IMMP2L: variants seen among roughly 807,000 people sequenced by gnomAD.
IMMP2L encodes inner mitochondrial membrane peptidase subunit 2.
In IMMP2L, 18 loss-of-function variants were observed where a neutral mutation model predicts 19.3. The observed-to-expected ratio is 0.93, with a 90% confidence interval of 0.64 to 1.38. IMMP2L has a LOEUF of 1.38. IMMP2L is among the 40% of genes most tolerant of loss of function. IMMP2L has a pLI of 0.00. For missense variants in IMMP2L, 233 were observed against 218.2 expected (o/e 1.07, Z -0.43); for synonymous variants, 76 against 73.0 (o/e 1.04, Z -0.21).
intron 5 of IMMP2L, among the ~76,000 whole-genome samples, chr7:110,723,367 C>T (rs534702535): frequency 5.3e-5 from 8 of 152,346 alleles, no homozygotes; most frequent in African/African-American, 1.9e-4. Context: ...TTTTGATCCT[C>T]CAGTTGAGAT....
rs575243945 is a variant in IMMP2L, at chr7:110,768,229, C to T, written c.409-104508G>A. The stretch of plus-strand genomic sequence containing the variant: ...GAATAATCAGCAGAAACGTGAAAAA[C>T]GGAAAGAAGACCCTGCCTTTAAAGA... On this transcript the variant is annotated intron_variant, in intron 5 of 5. Coordinates refer to ENST00000405709, the MANE Select transcript of IMMP2L (RefSeq NM_032549.4). Among the ~76,000 whole-genome samples the T allele has an allele frequency of 1.4e-3, 202 of 142,702 alleles. 1 individual carries two copies. Among genetic ancestry groups the T allele is most frequent in the Non-Finnish European group, 9.0e-4 (60 of 66,612 alleles). The allele number at this position is 142,702 out of a possible 152,430, so 93.6% of individuals were successfully genotyped here.
At position 110,792,190 on chromosome 7, in the gene IMMP2L, C is replaced by A. The variant is rs535974107; in HGVS notation, c.408+94403G>T. On this transcript the variant is annotated intron_variant, in intron 5 of 5. Transcript: ENST00000405709. ...CAGGTTTGACACGTGCACCCTCTACCCTTAGCTTGTTGAATTTAGCTAATA... is the reference window on the plus strand; with the variant it reads ...CAGGTTTGACACGTGCACCCTCTACACTTAGCTTGTTGAATTTAGCTAATA... 2.0e-5 allele frequency among the ~76,000 whole-genome samples: 3 copies of A among 151,710 alleles called. No individual in the cohort carries two copies. In the South Asian group the frequency reaches 6.2e-4, roughly 31 times the overall value.
At chr7:110,777,821 T>G (rs7778445) in intron 5 of IMMP2L, among the ~76,000 whole-genome samples, 9,166 of 152,066 alleles carry the variant, frequency 0.06, 463 homozygotes, top group African/African-American at 0.13. Context: ...TGGTTACATA[T>G]GCAGTCTTAT....
At chr7:111,426,429 T>G (rs1040685062) in intron 3 of IMMP2L, among the ~76,000 whole-genome samples, 1 of 150,798 alleles carries the variant, frequency 6.6e-6, no homozygotes, top group Non-Finnish European at 1.5e-5. Flanking sequence ...CAATAACATG[T>G]TTTCCCTGGA....
intron 3 of IMMP2L, among the ~76,000 whole-genome samples, chr7:111,225,325 T>C (rs909461176): frequency 7.2e-5 from 11 of 152,076 alleles, no homozygotes; most frequent in Non-Finnish European, 1.5e-5. Flanking sequence ...CTTACTAATA[T>C]CATGACTTTT....
chr7:111,470,067 C>T (rs1420826219), intron 3 of IMMP2L, among the ~76,000 whole-genome samples: 5 of 152,204 alleles, frequency 3.3e-5, no homozygotes, highest in African/African-American at 7.2e-5. Flanking sequence ...GGGTGAAGGA[C>T]ATGAACAGAC....
intron 3 of IMMP2L, among the ~76,000 whole-genome samples, chr7:111,401,132 G>A (rs1173457071): frequency 6.6e-6 from 1 of 152,066 alleles, no homozygotes; most frequent in South Asian, 2.1e-4. Context: ...TTATCTTGTT[G>A]AAATACCCCA....
Position 110,663,677 on chromosome 7 carries a change from C to A in IMMP2L, c.453G>T (p.Trp151Cys), listed in dbSNP as rs199919844. 3.7e-6 allele frequency: 6 copies of A among 1,609,310 alleles called. No individual in the cohort carries two copies. In the Admixed American group the frequency reaches 5.0e-5, roughly 14 times the overall value. Residue 151 changes from tryptophan to cysteine, a missense_variant, in exon 6 of 6, where the codon TGG (tryptophan) becomes TGT (cysteine). By Grantham distance (215) the Trp-to-Cys change is radical. Coordinates refer to ENST00000405709, the MANE Select transcript of IMMP2L (RefSeq NM_032549.4). ...CCAATTTCTGCCAGCGCTCTGGGGG[C>A]CACAGGATATGTGTGGCATGGGCAT... ...LLHAHATHIL[W>C]PPERWQKLES...
At chr7:110,825,933 G>A (rs1435052034) in intron 5 of IMMP2L, among the ~76,000 whole-genome samples, 1 of 151,986 alleles carries the variant, frequency 6.6e-6, no homozygotes, top group Admixed American at 6.6e-5. Context: ...TTCGCAATCT[G>A]GTCATCTGAC....
intron 1 of IMMP2L, among the ~76,000 whole-genome samples, chr7:111,550,267 C>T (rs1242352472): frequency 6.6e-6 from 1 of 151,990 alleles, no homozygotes; most frequent in Non-Finnish European, 1.5e-5. Flanking sequence ...ACATTGGAGA[C>T]AGTGAAAAGA....
intron 5 of IMMP2L, among the ~76,000 whole-genome samples, chr7:110,667,890 C>A (rs781009149): frequency 6.6e-6 from 1 of 152,178 alleles, no homozygotes; most frequent in Non-Finnish European, 1.5e-5. Context: ...CCACCCCATC[C>A]GCAATAGGTA....
chr7:111,191,496 T>G (rs560049738), intron 3 of IMMP2L, among the ~76,000 whole-genome samples: 1 of 151,424 alleles, frequency 6.6e-6, no homozygotes, highest in Non-Finnish European at 1.5e-5. Flanking sequence ...CTTTTACATC[T>G]AAACAAATTG....
intron 5 of IMMP2L, among the ~76,000 whole-genome samples, chr7:110,673,403 C>G (rs1294241898): frequency 6.6e-6 from 1 of 152,200 alleles, no homozygotes; most frequent in East Asian, 1.9e-4. Context: ...CCATGATGGT[C>G]TCTGACATGC....
intron 5 of IMMP2L, among the ~76,000 whole-genome samples, chr7:110,819,279 A>C (rs1483874715): frequency 6.6e-6 from 1 of 151,956 alleles, no homozygotes; most frequent in Non-Finnish European, 1.5e-5. Flanking sequence ...GAAGCAGCTT[A>C]GTGTTTGGGG....
rs572530617 is a variant in IMMP2L at position 110,955,146 on chromosome 7, T to G, written c.305+8354A>C. Among the ~76,000 whole-genome samples the G allele has an allele frequency of 2.1e-4, 32 of 152,126 alleles. No individual in the cohort carries two copies. In the South Asian group the frequency reaches 6.4e-3, roughly 31 times the overall value. On this transcript the variant is annotated intron_variant, in intron 4 of 5. Transcript: ENST00000405709. ...GAACTTAAGGTGACTATCTCTCTGG[T>G]GATTAGAAACAAATACCTATTGCTA...
At chr7:111,351,482 C>A (rs1323561917) in intron 3 of IMMP2L, among the ~76,000 whole-genome samples, 5 of 152,168 alleles carry the variant, frequency 3.3e-5, no homozygotes, top group Admixed American at 3.3e-4. Flanking sequence ...AGCCACCGCA[C>A]CCGGCCCATC....
intron 3 of IMMP2L, among the ~76,000 whole-genome samples, chr7:111,314,510 G>A (rs992917109): frequency 4.6e-5 from 7 of 152,084 alleles, no homozygotes; most frequent in African/African-American, 1.7e-4. Flanking sequence ...ATTGCCAGAG[G>A]AATGGAGGAT....
At chr7:111,446,062 A>G (rs1190916162) in intron 3 of IMMP2L, among the ~76,000 whole-genome samples, 1 of 151,890 alleles carries the variant, frequency 6.6e-6, no homozygotes, top group East Asian at 1.9e-4. Flanking sequence ...TCCTACGCCC[A>G]CGGAATCTCG....
At chr7:111,032,498 TAAC>T (rs1224246785) in intron 3 of IMMP2L, among the ~76,000 whole-genome samples, 2 of 152,106 alleles carry the variant, frequency 1.3e-5, no homozygotes, top group Non-Finnish European at 2.9e-5. Flanking sequence ...TGTTAAAATT[TAAC>T]AATAAGGAAA....
Sources: allele counts gnomAD v4.1 joint callset (sites outside exome capture counted in the v4.1 genomes callset), GRCh38; gene constraint gnomAD v4.1.1; transcripts MANE v1.5; gene names NCBI Gene and HGNC (gene_info 2026-07-23, HGNC 2026-07-21).